The following PRRX1 variants were observed in gnomAD, a reference collection of about 807,000 sequenced individuals.
PRRX1 encodes paired related homeobox 1, also known as paired mesoderm homeobox protein 1.
PRRX1 carries 8 observed loss-of-function variants against 24.0 expected under a neutral mutation model. That is an observed-to-expected ratio of 0.33 (90% confidence interval 0.20 to 0.60). The LOEUF is 0.60. Among genes scored for constraint, PRRX1 ranks in the 20% least tolerant of loss-of-function variants. PRRX1 has a pLI of 0.82. For missense variants in PRRX1, 281 were observed against 322.4 expected (o/e 0.87, Z 0.98); for synonymous variants, 160 against 131.7 (o/e 1.22, Z -1.47).
intron 1 of PRRX1, among the ~76,000 whole-genome samples, chr1:170,689,932 G>C (rs1423779312): frequency 6.6e-6 from 1 of 151,172 alleles, no homozygotes; most frequent in Non-Finnish European, 1.5e-5. Context: ...GATCCAAAAA[G>C]AGAAAACTTT....
chr1:170,722,441 G>A (rs1341893159), intron 2 of PRRX1, among the ~76,000 whole-genome samples: 1 of 152,018 alleles, frequency 6.6e-6, no homozygotes, highest in Non-Finnish European at 1.5e-5. Flanking sequence ...TGTTTTGCTG[G>A]GGATGAATAA....
intron 1 of PRRX1, among the ~76,000 whole-genome samples, chr1:170,701,570 A>C (rs1168081857): frequency 6.6e-6 from 1 of 152,162 alleles, no homozygotes; most frequent in Non-Finnish European, 1.5e-5. Context: ...AGAGTTTATG[A>C]AATTTTATTT....
chr1:170,669,723 ACC>A (rs1434682110), intron 1 of PRRX1, among the ~76,000 whole-genome samples: 7 of 152,052 alleles, frequency 4.6e-5, no homozygotes, highest in Non-Finnish European at 8.8e-5. Flanking sequence ...GCCCTCAGGT[ACC>A]GGATTGTTGC....
chr1:170,709,089 C>T (rs1267586376), intron 1 of PRRX1, among the ~76,000 whole-genome samples: 2 of 152,148 alleles, frequency 1.3e-5, no homozygotes, highest in Non-Finnish European at 2.9e-5. Context: ...GGTGCCTACC[C>T]TCATGAAGCT....
intron 1 of PRRX1, among the ~76,000 whole-genome samples, chr1:170,690,353 G>C (rs1653897167): frequency 6.6e-6 from 1 of 152,016 alleles, no homozygotes; most frequent in Non-Finnish European, 1.5e-5. Flanking sequence ...TCAGCTCAGT[G>C]GGTAAAGAAA....
chr1:170,696,120 G>A (rs964771101), intron 1 of PRRX1, among the ~76,000 whole-genome samples: 14 of 152,150 alleles, frequency 9.2e-5, no homozygotes, highest in Non-Finnish European at 2.9e-5. Flanking sequence ...ACTCATTCAA[G>A]GTGCAAGGTA....
rs114463483 is a variant in PRRX1 at position 170,702,643 on chromosome 1, C to T, written c.242-17083C>T. On this transcript the variant is annotated intron_variant, in intron 1 of 3. Coordinates refer to ENST00000239461, the MANE Select transcript of PRRX1 (RefSeq NM_022716.4). ...GCTTTTACCCGTGTTCATGTAAGAA[C>T]GTATCACATGTTTTCCATTCTTCTA... Among the ~76,000 whole-genome samples, 591 of 152,262 alleles carry T rather than the reference C, an allele frequency of 3.9e-3. 2 individuals carry two copies. Among genetic ancestry groups the T allele is most frequent in the African/African-American group, 0.014 (561 of 41,540 alleles).
chr1:170,679,106 TTAAG>T (rs1324635816), intron 1 of PRRX1, among the ~76,000 whole-genome samples: 1 of 152,250 alleles, frequency 6.6e-6, no homozygotes, highest in Non-Finnish European at 1.5e-5. Context: ...TTAACTCTCC[TTAAG>T]TGTCAGTCTC....
chr1:170,664,229 G>C lies in PRRX1; in HGVS notation c.11G>C (p.Ser4Thr), dbSNP rs938234243. 6.8e-6 allele frequency: 11 copies of C among 1,611,114 alleles called. No homozygotes were observed. Among genetic ancestry groups the C allele is most frequent in the African/African-American group, 1.3e-5 (1 of 74,884 alleles). Residue 4 changes from serine (S) to threonine (T), a missense_variant, in exon 1 of 4, where the codon AGC (serine) becomes ACC (threonine). Coordinates refer to ENST00000239461, the MANE Select transcript of PRRX1 (RefSeq NM_022716.4). ...TCGGTGGGGGAGACCATGACCTCCA[G>C]CTACGGGCACGTTCTGGAGCGGCAA... MTS[S>T]YGHVLERQPA...
chr1:170,664,103 C>CTCTCTCTCTCTCTCTCTCTCTT, upstream of PRRX1: 1 of 1,070,622 alleles, frequency 9.3e-7, no homozygotes, highest in Non-Finnish European at 1.3e-6. Flanking sequence ...CTCTCTCTCT[C>CTCTCTCTCTCTCTCTCTCTCTT]TCTCCACTAC....
chr1:170,719,079 G>C (rs1654999962), intron 1 of PRRX1, among the ~76,000 whole-genome samples: 1 of 152,152 alleles, frequency 6.6e-6, no homozygotes, highest in Non-Finnish European at 1.5e-5. Context: ...TGTTAGCTTG[G>C]GTTGATGGCA....
intron 1 of PRRX1, among the ~76,000 whole-genome samples, chr1:170,670,179 A>G (rs1653100589): frequency 6.6e-6 from 1 of 152,114 alleles, no homozygotes; most frequent in Non-Finnish European, 1.5e-5. Context: ...CCTTTGTCGA[A>G]TTCTGTATTT....
chr1:170,666,683 A>AGGCCAGCGGCCTC (rs1441292316), intron 1 of PRRX1, among the ~76,000 whole-genome samples: 3 of 152,144 alleles, frequency 2.0e-5, no homozygotes, highest in African/African-American at 7.2e-5. Context: ...ACCAGGGCCA[A>AGGCCAGCGGCCTC]GGCCAGCGGC....
chr1:170,675,038 A>C (rs1244638154), intron 1 of PRRX1, among the ~76,000 whole-genome samples: 1 of 152,234 alleles, frequency 6.6e-6, no homozygotes, highest in Non-Finnish European at 1.5e-5. Flanking sequence ...AAAATTAAAA[A>C]ACTGTGTAAG....
At chr1:170,698,699 G>A (rs1300384261) in intron 1 of PRRX1, among the ~76,000 whole-genome samples, 1 of 152,160 alleles carries the variant, frequency 6.6e-6, no homozygotes, top group Non-Finnish European at 1.5e-5. Flanking sequence ...TAAAGTTGTT[G>A]CTGATTTGAT....
chr1:170,673,666 C>T (rs975595715), intron 1 of PRRX1, among the ~76,000 whole-genome samples: 1 of 152,200 alleles, frequency 6.6e-6, no homozygotes, highest in African/African-American at 2.4e-5. Flanking sequence ...TCAAAATCAA[C>T]AAAACATGGA....
At chr1:170,664,701 G>C (rs971882080) in intron 1 of PRRX1, among the ~76,000 whole-genome samples, 1 of 152,260 alleles carries the variant, frequency 6.6e-6, no homozygotes, top group Non-Finnish European at 1.5e-5. Flanking sequence ...ACACTCCGAG[G>C]CCCTGCGGTC....
chr1:170,697,892 A>G (rs59011246), intron 1 of PRRX1, among the ~76,000 whole-genome samples: 2,059 of 149,934 alleles, frequency 0.014, 53 homozygotes, highest in African/African-American at 0.047. Context: ...CTAGATCTAT[A>G]TATAAATCAC....
At chr1:170,668,088 G>T (rs1653013142) in intron 1 of PRRX1, 1 of 152,004 alleles carries the variant, frequency 6.6e-6, no homozygotes, top group African/African-American at 2.4e-5. Context: ...TCCCAGACTA[G>T]TAAATTCTCA....
Sources: gnomAD v4.1 joint callset for allele counts (sites outside exome capture counted in the v4.1 genomes callset) on GRCh38, gnomAD v4.1.1 for gene constraint, MANE v1.5 for transcripts, NCBI Gene and HGNC (gene_info 2026-07-23, HGNC 2026-07-21) for gene names.